The following MTHFD1L variants were observed in gnomAD, a reference collection of about 807,000 sequenced individuals.
MTHFD1L encodes the protein methylenetetrahydrofolate dehydrogenase (NADP+ dependent) 1 like.
In MTHFD1L, 81 loss-of-function variants were observed where a neutral mutation model predicts 119.5. The observed-to-expected ratio is 0.68, with a 90% confidence interval of 0.57 to 0.82. The LOEUF (loss-of-function observed/expected upper bound fraction) is 0.82, where lower values mean the gene tolerates loss of function less well. MTHFD1L is among the 40% of genes least tolerant of loss of function. The pLI, the probability that MTHFD1L is intolerant of heterozygous loss-of-function variation, is 0.00. For synonymous variants in MTHFD1L, 430 were observed against 475.2 expected, an observed-to-expected ratio of 0.90 and a Z score of 1.24; for missense variants, 1,125 against 1,253.4, an observed-to-expected ratio of 0.90 and a Z score of 1.55.
intron 4 of MTHFD1L, 143 bp downstream of exon 4, chr6:150,877,969 T>C: frequency 1.1e-6 from 1 of 948,850 alleles, no homozygotes; most frequent in South Asian, 1.5e-5. Context: ...ACTTCTTTTC[T>C]CTAGGGTAAA....
chr6:150,882,525 A>G (rs1243001249), intron 4 of MTHFD1L, among the ~76,000 whole-genome samples: 2 of 152,176 alleles, frequency 1.3e-5, no homozygotes, highest in African/African-American at 2.4e-5. Context: ...AAAGGCAGAG[A>G]AGTCACTAAA....
chr6:150,919,098 G>A (rs969664167), intron 9 of MTHFD1L, among the ~76,000 whole-genome samples: 4 of 151,728 alleles, frequency 2.6e-5, no homozygotes, highest in African/African-American at 9.7e-5. Context: ...AGGAGACAGA[G>A]GTTGTGGTGA....
intron 26 of MTHFD1L, among the ~76,000 whole-genome samples, chr6:151,075,948 T>C (rs1293714441): frequency 2.0e-5 from 3 of 152,218 alleles, no homozygotes; most frequent in African/African-American, 7.2e-5. Context: ...AAAAGATGAC[T>C]GAAAGATTTG....
chr6:150,925,721 C>T (rs565200223), intron 10 of MTHFD1L, among the ~76,000 whole-genome samples: 2 of 152,052 alleles, frequency 1.3e-5, no homozygotes, highest in East Asian at 1.9e-4. Context: ...ATGTGGCCAG[C>T]CCGATCGGAG....
At chr6:151,005,174 A>G (rs1476156683) in intron 20 of MTHFD1L, among the ~76,000 whole-genome samples, 2 of 152,158 alleles carry the variant, frequency 1.3e-5, no homozygotes, top group Non-Finnish European at 2.9e-5. Context: ...GAACCTTCCT[A>G]TAAGAGTGGT....
intron 26 of MTHFD1L, among the ~76,000 whole-genome samples, chr6:151,075,283 A>G (rs947642509): frequency 6.6e-6 from 1 of 152,170 alleles, no homozygotes; most frequent in African/African-American, 2.4e-5. Context: ...CTAAAGACAT[A>G]AGTAGGTTAA....
chr6:150,949,575 C>T (rs2128971605), intron 16 of MTHFD1L, among the ~76,000 whole-genome samples: 2 of 152,256 alleles, frequency 1.3e-5, no homozygotes, highest in South Asian at 4.1e-4. Context: ...GTTTCCAGTG[C>T]TGGATTTTCC....
chr6:150,916,737 C>CTTTTTTTTTTTTTTTTTTTTTTTT (rs57961829), intron 8 of MTHFD1L, among the ~76,000 whole-genome samples: 1 of 72,114 alleles, frequency 1.4e-5, no homozygotes. Context: ...GATTCTATCC[C>CTTTTTTTTTTTTTTTTTTTTTTTT]TTTTTTTTTT....
chr6:150,967,241 A>C (rs1391221096), intron 19 of MTHFD1L, among the ~76,000 whole-genome samples: 1 of 152,114 alleles, frequency 6.6e-6, no homozygotes, highest in Non-Finnish European at 1.5e-5. Context: ...TGGAGACACC[A>C]AGTCTTTGTT....
At chr6:150,893,999 T>C (rs1366715938) in intron 7 of MTHFD1L, among the ~76,000 whole-genome samples, 1 of 152,114 alleles carries the variant, frequency 6.6e-6, no homozygotes, top group African/African-American at 2.4e-5. Context: ...ATCCCAGCAC[T>C]TTGGGAGGCT....
intron 18 of MTHFD1L, among the ~76,000 whole-genome samples, chr6:150,961,979 T>C (rs556230199): frequency 1.3e-5 from 2 of 152,240 alleles, no homozygotes; most frequent in South Asian, 4.1e-4. Context: ...AATCTATTTA[T>C]TTATTTTTAT....
intron 11 of MTHFD1L, among the ~76,000 whole-genome samples, chr6:150,930,835 GATTA>G (rs1562401190): frequency 1.3e-5 from 2 of 152,046 alleles, no homozygotes; most frequent in Admixed American, 6.6e-5. Flanking sequence ...ATGCAGAACA[GATTA>G]ATTCTTTTAA....
Position 151,093,762 on chromosome 6 carries a change from G to A in MTHFD1L, c.*31+1175G>A, listed in dbSNP as rs535233058. 2.0e-5 allele frequency among the ~76,000 whole-genome samples: 3 copies of A among 152,318 alleles called. No individual in the cohort carries two copies. In the South Asian group the frequency reaches 6.2e-4, roughly 32 times the overall value. On this transcript the variant is annotated intron_variant, in intron 27 of 27. Coordinates refer to ENST00000367321, the MANE Select transcript of MTHFD1L (RefSeq NM_015440.5). ...CACTCAACTGTGTGGCACAACAGGT[G>A]TGTTCGGCTCTCTTGTCCCTGGACA... is the stretch of plus-strand genomic sequence containing the variant.
chr6:150,890,952 C>T (rs1039020240), intron 7 of MTHFD1L, among the ~76,000 whole-genome samples: 1 of 152,042 alleles, frequency 6.6e-6, no homozygotes, highest in Non-Finnish European at 1.5e-5. Context: ...TAAACTAGAG[C>T]TGTAGATAGC....
In MTHFD1L at chr6:151,027,411, A is replaced by T. The variant is rs374862494; in HGVS notation, c.2587-7082A>T. Among the ~76,000 whole-genome samples the T allele has an allele frequency of 4.6e-5, 7 of 152,308 alleles. No individual in the cohort carries two copies. In the South Asian group the frequency reaches 1.2e-3, roughly 27 times the overall value. ...AGGTGGTTATTTGATCACTTAGCAG[A>T]TGCCTTTGGGATCCTACTTTGTGCA... On this transcript the variant is annotated intron_variant, in intron 24 of 27. Transcript: ENST00000367321.
chr6:150,926,302 C>T lies in MTHFD1L; in HGVS notation c.1256+7C>T, dbSNP rs774908702. 1.0e-4 allele frequency: 166 copies of T among 1,605,730 alleles called. No individual in the cohort carries two copies. The highest frequency in any genetic ancestry group is 1.7e-4 in the African/African-American group (13 of 74,740). On this transcript the variant is annotated splice_region_variant and intron_variant, in intron 11 of 27. Coordinates refer to ENST00000367321, the MANE Select transcript of MTHFD1L (RefSeq NM_015440.5). This position sits in a 1 kb window ranked among gnomAD's most constrained non-coding sequence, Gnocchi z 4.3. Reference sequence around the variant, plus strand: ...AATACGTCTTAGTTGCTGGGTAAGACACCATCTAACATCTACTTGATCAAG... The same window carrying T: ...AATACGTCTTAGTTGCTGGGTAAGATACCATCTAACATCTACTTGATCAAG...
At chr6:150,936,980 T>A in intron 12 of MTHFD1L, 40 bp downstream of exon 12, 2 of 1,602,512 alleles carry the variant, frequency 1.2e-6, no homozygotes, top group Non-Finnish European at 1.7e-6. Context: ...CAGGGCAAAG[T>A]TGGGGGGAGA....
intron 20 of MTHFD1L, among the ~76,000 whole-genome samples, chr6:150,990,456 T>A (rs1400500001): frequency 1.3e-5 from 2 of 152,128 alleles, no homozygotes; most frequent in East Asian, 3.9e-4. Context: ...TTTTTATTTT[T>A]TTCTTTTCTT....
At chr6:151,077,465 A>AC (rs1442489463) in intron 26 of MTHFD1L, among the ~76,000 whole-genome samples, 3 of 152,060 alleles carry the variant, frequency 2.0e-5, no homozygotes, top group Admixed American at 2.0e-4. Flanking sequence ...CAACCTGATG[A>AC]AACCCCATCT....
Sources: gnomAD v4.1 joint callset for allele counts (sites outside exome capture counted in the v4.1 genomes callset) on GRCh38, gnomAD v4.1.1 for gene constraint, Gnocchi (gnomAD v3.1) non-coding constraint, MANE v1.5 for transcripts, NCBI Gene and HGNC (gene_info 2026-07-23, HGNC 2026-07-21) for gene names.